LRMDA: variants seen among roughly 807,000 people sequenced by gnomAD.
LRMDA encodes the protein leucine-rich melanocyte differentiation-associated protein.
Under a neutral mutation model 29.8 loss-of-function variants are expected in LRMDA, and 18 were observed. The ratio of observed to expected loss-of-function variants is 0.60; its 90% confidence interval spans 0.42 to 0.90. The LOEUF is 0.90. Ranked by LOEUF, LRMDA falls within the 40% of genes least tolerant of loss-of-function variation. The probability of loss-of-function intolerance (pLI) is 0.00; values close to 1 mark genes in which losing one functional copy is unlikely to be tolerated. For missense variants in LRMDA, 273 were observed against 273.9 expected, an observed-to-expected ratio of 1.00 and a Z score of 0.02; for synonymous variants, 125 against 109.4, an observed-to-expected ratio of 1.14 and a Z score of -0.89.
At chr10:76,059,371 G>C (rs189344031) in intron 5 of LRMDA, among the ~76,000 whole-genome samples, 4 of 152,340 alleles carry the variant, frequency 2.6e-5, no homozygotes, top group African/African-American at 9.6e-5. Context: ...GTCTGTAAGT[G>C]AATTTGGTGT....
chr10:76,277,810 A>T lies in LRMDA; in HGVS notation c.517-46591A>T, dbSNP rs565785413. On this transcript the variant is annotated intron_variant, in intron 5 of 6. Transcript: ENST00000611255. ...AGCTTCAGAAAATGGGGTAGGGAGGAGAATAGTTCAACTGAGAAGGGATGT... is the reference window on the plus strand; with the variant it reads ...AGCTTCAGAAAATGGGGTAGGGAGGTGAATAGTTCAACTGAGAAGGGATGT... Among the ~76,000 whole-genome samples the T allele has an allele frequency of 4.1e-4, 62 of 152,298 alleles. 1 individual carries two copies. Among genetic ancestry groups the T allele is most frequent in the African/African-American group, 1.3e-3 (52 of 41,564 alleles).
At chr10:75,610,100 C>T (rs140065315) in intron 2 of LRMDA, among the ~76,000 whole-genome samples, 1 of 152,114 alleles carries the variant, frequency 6.6e-6, no homozygotes, top group South Asian at 2.1e-4. Context: ...AGCTTTATCA[C>T]TTAAAAAATT....
chr10:76,296,810 G>C (rs867865635), intron 5 of LRMDA, among the ~76,000 whole-genome samples: 1 of 152,184 alleles, frequency 6.6e-6, no homozygotes, highest in Admixed American at 6.5e-5. Flanking sequence ...AGTTTTTCTT[G>C]TTTGTTAATT....
At chr10:76,118,670 T>A (rs1317912124) in intron 5 of LRMDA, among the ~76,000 whole-genome samples, 1 of 152,112 alleles carries the variant, frequency 6.6e-6, no homozygotes, top group Non-Finnish European at 1.5e-5. Context: ...CCCATCAGCC[T>A]GGACTCCCAA....
chr10:75,857,381 C>T (rs78305326), intron 2 of LRMDA, among the ~76,000 whole-genome samples: 1 of 152,314 alleles, frequency 6.6e-6, no homozygotes, highest in African/African-American at 2.4e-5. Context: ...CATCCTCTCA[C>T]CACCTGGTGT....
intron 6 of LRMDA, among the ~76,000 whole-genome samples, chr10:76,503,322 T>A (rs1318560648): frequency 6.6e-6 from 1 of 151,930 alleles, no homozygotes; most frequent in Non-Finnish European, 1.5e-5. Flanking sequence ...GCCTACGGAC[T>A]GGCGCTGACA....
At chr10:76,185,585 T>G (rs1040782307) in intron 5 of LRMDA, among the ~76,000 whole-genome samples, 1 of 152,192 alleles carries the variant, frequency 6.6e-6, no homozygotes, top group Non-Finnish European at 1.5e-5. Flanking sequence ...CTATCTTCTA[T>G]CAGCCATAGT....
chr10:75,647,613 C>A (rs184667289), intron 2 of LRMDA: 26 of 152,330 alleles, frequency 1.7e-4, no homozygotes, highest in African/African-American at 5.5e-4. Context: ...TTTTTTGTGA[C>A]CCCTGTATGG....
chr10:75,617,740 T>C (rs948979593), intron 2 of LRMDA, among the ~76,000 whole-genome samples: 2 of 152,184 alleles, frequency 1.3e-5, no homozygotes, highest in Non-Finnish European at 2.9e-5. Flanking sequence ...CCCCATGGGT[T>C]CCTTTCTCCC....
At chr10:75,967,816 C>A (rs1846892188) in intron 2 of LRMDA, among the ~76,000 whole-genome samples, 1 of 152,046 alleles carries the variant, frequency 6.6e-6, no homozygotes, top group African/African-American at 2.4e-5. Flanking sequence ...AAAGGACCAG[C>A]AGCTTCCCTG....
At chr10:76,233,023 C>CT (rs1416323797) in intron 5 of LRMDA, among the ~76,000 whole-genome samples, 1 of 152,144 alleles carries the variant, frequency 6.6e-6, no homozygotes, top group Non-Finnish European at 1.5e-5. Flanking sequence ...GAGAAAAGTG[C>CT]GCCAAATGGG....
chr10:76,125,216 T>C lies in LRMDA; in HGVS notation c.516+66433T>C, dbSNP rs1205241927. ...GCTGACTGCAATAGAAATCGCTGTT[T>C]CCACTTCTTCCTGTTAACACCTTTT... is the stretch of plus-strand genomic sequence containing the variant. On this transcript the variant is annotated intron_variant, in intron 5 of 6. Transcript: ENST00000611255. 2.6e-5 allele frequency among the ~76,000 whole-genome samples: 4 copies of C among 152,332 alleles called. No homozygotes were observed. The East Asian group carries it at 7.7e-4, about 29-fold the overall frequency.
At chr10:76,091,276 CGTGT>C (rs56145957) in intron 5 of LRMDA, among the ~76,000 whole-genome samples, 15,084 of 146,550 alleles carry the variant, frequency 0.1, 804 homozygotes, top group Middle Eastern at 0.13. Context: ...ACATGGTGGA[CGTGT>C]GTGTGTGTGT....
chr10:76,528,546 T>C (rs902067312), intron 6 of LRMDA, among the ~76,000 whole-genome samples: 1 of 152,074 alleles, frequency 6.6e-6, no homozygotes, highest in Non-Finnish European at 1.5e-5. Flanking sequence ...ACAATGAACA[T>C]TTAAATATAA....
chr10:76,024,382 G>A (rs1848026952), intron 2 of LRMDA, among the ~76,000 whole-genome samples: 1 of 152,174 alleles, frequency 6.6e-6, no homozygotes, highest in Non-Finnish European at 1.5e-5. Flanking sequence ...GAGAGGATCT[G>A]GAAAGCAAAG....
intron 5 of LRMDA, among the ~76,000 whole-genome samples, chr10:76,165,781 C>T (rs545503512): frequency 6.6e-6 from 1 of 152,176 alleles, no homozygotes; most frequent in Admixed American, 6.5e-5. Context: ...GGTAGCCGCC[C>T]CCATTATTTA....
intron 2 of LRMDA, among the ~76,000 whole-genome samples, chr10:75,495,957 G>A (rs1845040528): frequency 6.6e-6 from 1 of 152,190 alleles, no homozygotes; most frequent in Non-Finnish European, 1.5e-5. Context: ...CTTCTTACAA[G>A]TCAGCCCATC....
chr10:76,379,014 G>T (rs1841557112), intron 6 of LRMDA, among the ~76,000 whole-genome samples: 1 of 151,752 alleles, frequency 6.6e-6, no homozygotes, highest in African/African-American at 2.4e-5. Context: ...GCGCCACCAC[G>T]CTCAGCTACT....
At chr10:75,804,585 C>G (rs1843815054) in intron 2 of LRMDA, among the ~76,000 whole-genome samples, 1 of 152,258 alleles carries the variant, frequency 6.6e-6, no homozygotes, top group Non-Finnish European at 1.5e-5. Flanking sequence ...TCCTCCTGGC[C>G]CTGGCTGAGG....
Sources: allele counts gnomAD v4.1 joint callset (sites outside exome capture counted in the v4.1 genomes callset), GRCh38; gene constraint gnomAD v4.1.1; transcripts MANE v1.5; gene names NCBI Gene and HGNC (gene_info 2026-07-23, HGNC 2026-07-21).